The following NDUFA5 variants were observed in gnomAD, a reference collection of about 807,000 sequenced individuals.
NDUFA5 encodes the protein NADH:ubiquinone oxidoreductase subunit A5, also known as NADH dehydrogenase [ubiquinone] 1 alpha subcomplex subunit 5.
A neutral mutation model predicts 19.8 loss-of-function variants in NDUFA5; 11 were observed. The observed-to-expected ratio is 0.56, with a 90% CI of 0.35 to 0.92. The LOEUF (loss-of-function observed/expected upper bound fraction) is 0.92. Ranked by LOEUF, NDUFA5 falls within the 40% of genes least tolerant of loss-of-function variation. The pLI, the probability that NDUFA5 is intolerant of heterozygous loss-of-function variation, is 0.01. For missense variants in NDUFA5, 109 were observed against 134.2 expected, an observed-to-expected ratio of 0.81 and a Z score of 0.93; for synonymous variants, 47 against 46.8, an observed-to-expected ratio of 1.00 and a Z score of -0.01.
At chr7:123,600,408 A>C in the NDUFA5 span, among the ~76,000 whole-genome samples, 3 of 152,226 alleles carry the variant, frequency 2.0e-5, no homozygotes, top group African/African-American at 7.2e-5. Flanking sequence ...AAGTCACTGC[A>C]ATGTGTCAAG....
the NDUFA5 span, among the ~76,000 whole-genome samples, chr7:123,585,553 ATTGT>A: frequency 1.3e-5 from 2 of 151,692 alleles, no homozygotes; most frequent in East Asian, 1.9e-4. Flanking sequence ...CTGCAATGTG[ATTGT>A]TTGATATATT....
intron 2 of NDUFA5, among the ~76,000 whole-genome samples, chr7:123,553,560 A>G (rs1013775616): frequency 1.3e-5 from 2 of 152,210 alleles, no homozygotes; most frequent in Non-Finnish European, 2.9e-5. Context: ...GAAGAGGAAA[A>G]ATAATAAAAA....
chr7:123,582,533 G>A, the NDUFA5 span, among the ~76,000 whole-genome samples: 1 of 151,914 alleles, frequency 6.6e-6, no homozygotes, highest in Non-Finnish European at 1.5e-5. Context: ...ATTGTCTGTA[G>A]GTTCCTCAAT....
chr7:123,572,842 T>G, the NDUFA5 span, among the ~76,000 whole-genome samples: 2 of 152,128 alleles, frequency 1.3e-5, no homozygotes, highest in Admixed American at 6.5e-5. Flanking sequence ...CTTTTAAATT[T>G]ATTATGCTTC....
chr7:123,579,222 G>A, the NDUFA5 span, among the ~76,000 whole-genome samples: 2 of 151,966 alleles, frequency 1.3e-5, no homozygotes, highest in African/African-American at 2.4e-5. Context: ...TGCTGAAAAG[G>A]ACATGATTTC....
At chr7:123,562,026 T>G (rs1414899791), upstream of NDUFA5, among the ~76,000 whole-genome samples, 1 of 152,106 alleles carries the variant, frequency 6.6e-6, no homozygotes, top group Non-Finnish European at 1.5e-5. Context: ...AATGTATTTT[T>G]TTAAATAAGA....
At chr7:123,600,284 G>T in the NDUFA5 span, among the ~76,000 whole-genome samples, 2 of 151,976 alleles carry the variant, frequency 1.3e-5, no homozygotes, top group African/African-American at 4.8e-5. Context: ...ATCTTATTTT[G>T]GCTTTTCTAT....
chr7:123,574,327 G>GA, the NDUFA5 span, among the ~76,000 whole-genome samples: 1 of 151,612 alleles, frequency 6.6e-6, no homozygotes, highest in Non-Finnish European at 1.5e-5. Context: ...AATCTTTTAA[G>GA]ACAGTGGCTC....
the NDUFA5 span, among the ~76,000 whole-genome samples, chr7:123,589,374 G>A: frequency 6.6e-6 from 1 of 150,806 alleles, no homozygotes; most frequent in African/African-American, 2.4e-5. Flanking sequence ...ACAATGTGGA[G>A]GTTTGTTACA....
At chr7:123,596,951 G>A in the NDUFA5 span, among the ~76,000 whole-genome samples, 6 of 152,050 alleles carry the variant, frequency 3.9e-5, no homozygotes, top group Admixed American at 3.9e-4. Flanking sequence ...TATTAAATAA[G>A]GTACTAAGAA....
the NDUFA5 span, among the ~76,000 whole-genome samples, chr7:123,572,881 C>T: frequency 6.6e-6 from 1 of 151,702 alleles, no homozygotes; most frequent in African/African-American, 2.4e-5. Flanking sequence ...TTATTTTATG[C>T]TATTTAATTA....
At position 123,545,678 on chromosome 7, in the gene NDUFA5, T is replaced by C. The variant is rs1284947626; in HGVS notation, c.184-2A>G. On this transcript the variant is annotated splice_acceptor_variant, in intron 3 of 4. Transcript: ENST00000355749. LOFTEE classifies it high-confidence loss of function. ...TTCTAATTTTTTAACATCTGGTTCC[T>C]ATAATTTCAGGGAGAAAAAAAATTA... 6.2e-7 allele frequency: 1 copy of C among 1,603,374 alleles called. No homozygotes were observed. Among genetic ancestry groups the C allele is most frequent in the Non-Finnish European group, 8.5e-7 (1 of 1,174,628 alleles).
intron 2 of NDUFA5, among the ~76,000 whole-genome samples, chr7:123,552,123 CT>C (rs1798363980): frequency 1.3e-5 from 2 of 151,684 alleles, no homozygotes; most frequent in African/African-American, 4.8e-5. Context: ...AGGAGTAAGT[CT>C]CAATAATTAC....
the NDUFA5 span, among the ~76,000 whole-genome samples, chr7:123,580,686 G>A: frequency 5.3e-5 from 8 of 152,016 alleles, no homozygotes; most frequent in Admixed American, 4.6e-4. Context: ...GTGGGTGAGT[G>A]GAGATTAAGA....
chr7:123,562,798 C>G (rs544314815), upstream of NDUFA5, among the ~76,000 whole-genome samples: 2 of 136,030 alleles, frequency 1.5e-5, no homozygotes, highest in Non-Finnish European at 3.1e-5. Context: ...TTCTTTCTTT[C>G]TTTTTTTTTT....
the NDUFA5 span, among the ~76,000 whole-genome samples, chr7:123,593,933 G>A: frequency 6.6e-6 from 1 of 151,994 alleles, no homozygotes; most frequent in Non-Finnish European, 1.5e-5. Context: ...ACATAGATTT[G>A]GTCTTTTCAC....
the NDUFA5 span, among the ~76,000 whole-genome samples, chr7:123,586,654 C>A: frequency 6.6e-6 from 1 of 151,678 alleles, no homozygotes; most frequent in African/African-American, 2.4e-5. Flanking sequence ...TACACCTCCC[C>A]CAGCCAACCC....
the NDUFA5 span, among the ~76,000 whole-genome samples, chr7:123,597,830 G>GA: frequency 2.8e-3 from 426 of 149,598 alleles, no homozygotes; most frequent in Non-Finnish European, 5.2e-3. Context: ...GACTTCATCT[G>GA]AAAAAAAAAT....
At chr7:123,546,638 A>G (rs1250789084) in intron 3 of NDUFA5, 2 of 1,268,028 alleles carry the variant, frequency 1.6e-6, no homozygotes, top group East Asian at 1.1e-4. Flanking sequence ...TAAATGGAAT[A>G]AAGAGGGAGA....
Sources: allele counts gnomAD v4.1 joint callset (sites outside exome capture counted in the v4.1 genomes callset), GRCh38; gene constraint gnomAD v4.1.1; transcripts MANE v1.5; gene names NCBI Gene and HGNC (gene_info 2026-07-23, HGNC 2026-07-21).